The following PPP1R12A variants were observed in gnomAD, a reference collection of about 807,000 sequenced individuals.
PPP1R12A encodes myosin binding subunit.
In PPP1R12A, 19 loss-of-function variants were observed where a neutral mutation model predicts 139.6. The observed-to-expected ratio is 0.14, with a 90% CI of 0.09 to 0.20. The LOEUF is 0.20. Among genes scored for constraint, PPP1R12A ranks in the 10% least tolerant of loss-of-function variants. PPP1R12A has a pLI of 1.00. For synonymous variants in PPP1R12A, 427 were observed against 420.6 expected (o/e 1.02, Z -0.19); for missense variants, 925 against 1,211.5 (o/e 0.76, Z 3.51).
chr12:79,877,201 A>G (rs1165434748), intron 1 of PPP1R12A, among the ~76,000 whole-genome samples: 1 of 152,142 alleles, frequency 6.6e-6, no homozygotes, highest in Non-Finnish European at 1.5e-5. Flanking sequence ...TACCATATTT[A>G]AAATTATTAT....
At chr12:79,913,975 T>C (rs1886797587) in intron 1 of PPP1R12A, 1 of 152,170 alleles carries the variant, frequency 6.6e-6, no homozygotes, top group Admixed American at 6.6e-5. Context: ...GATATGAGAA[T>C]TCAGCTGTCT....
intron 2 of PPP1R12A, among the ~76,000 whole-genome samples, chr12:79,858,469 T>A (rs10735432): frequency 0.79 from 119,534 of 152,184 alleles, 49,472 homozygotes; most frequent in Non-Finnish European, 0.92. Context: ...AGTATTAATA[T>A]TTCCATTTTA....
intron 1 of PPP1R12A, among the ~76,000 whole-genome samples, chr12:79,921,242 A>G (rs1340988083): frequency 6.6e-6 from 1 of 152,196 alleles, no homozygotes; most frequent in Non-Finnish European, 1.5e-5. Context: ...CTGAGATTCT[A>G]GCTTAGTAAA....
intron 1 of PPP1R12A, among the ~76,000 whole-genome samples, chr12:79,924,041 C>T (rs1887647845): frequency 2.0e-5 from 3 of 151,642 alleles, no homozygotes; most frequent in African/African-American, 7.3e-5. Context: ...AAGACTCCGT[C>T]TCAAAAAATA....
At chr12:79,811,067 T>A (rs1356533013) in intron 9 of PPP1R12A, among the ~76,000 whole-genome samples, 2 of 152,184 alleles carry the variant, frequency 1.3e-5, no homozygotes, top group Non-Finnish European at 2.9e-5. Flanking sequence ...TTCTAGAAAT[T>A]CTATACTCAA....
intron 14 of PPP1R12A, among the ~76,000 whole-genome samples, chr12:79,800,924 G>A (rs1282311590): frequency 6.6e-6 from 1 of 151,466 alleles, no homozygotes; most frequent in Non-Finnish European, 1.5e-5. Flanking sequence ...TAGTAGAGAC[G>A]GGGTTTCACC....
chr12:79,931,735 G>T (rs1272439510), intron 1 of PPP1R12A, among the ~76,000 whole-genome samples: 1 of 152,086 alleles, frequency 6.6e-6, no homozygotes, highest in Non-Finnish European at 1.5e-5. Flanking sequence ...AGAAAAACCA[G>T]AAATTTGTAT....
chr12:79,844,105 G>T lies in PPP1R12A; in HGVS notation c.487+1197C>A, dbSNP rs184116145. Among the ~76,000 whole-genome samples, 944 of 150,994 alleles carry T rather than the reference G, an allele frequency of 6.3e-3. 6 individuals carry two copies. The highest frequency in any genetic ancestry group is 0.022 in the African/African-American group (911 of 41,134). On this transcript the variant is annotated intron_variant, in intron 3 of 24. Transcript: ENST00000450142. ...AGCATTTAAAGTGTAGAATTCAATGGTTTTTTTTTAGTAAATGTGAGGAGT... is the reference window on the plus strand; with the variant it reads ...AGCATTTAAAGTGTAGAATTCAATGTTTTTTTTTTAGTAAATGTGAGGAGT...
At chr12:79,888,856 A>G (rs1003261816) in intron 1 of PPP1R12A, among the ~76,000 whole-genome samples, 7 of 152,234 alleles carry the variant, frequency 4.6e-5, no homozygotes, top group Admixed American at 3.3e-4. Flanking sequence ...CTACACAACT[A>G]AACAGCAGCA....
intron 1 of PPP1R12A, among the ~76,000 whole-genome samples, chr12:79,882,709 T>C (rs1319474261): frequency 2.6e-5 from 4 of 152,174 alleles, no homozygotes; most frequent in African/African-American, 7.2e-5. Context: ...AACAGCATCA[T>C]ATACTACAGA....
intron 1 of PPP1R12A, among the ~76,000 whole-genome samples, chr12:79,896,357 C>T (rs902404204): frequency 7.2e-5 from 11 of 152,030 alleles, no homozygotes; most frequent in Non-Finnish European, 1.5e-5. Context: ...GTTTGAGACA[C>T]GGTCTCACTT....
chr12:79,856,192 A>C (rs563523935), intron 2 of PPP1R12A, among the ~76,000 whole-genome samples: 8 of 152,278 alleles, frequency 5.3e-5, no homozygotes, highest in Admixed American at 5.2e-4. Flanking sequence ...CATCACCATC[A>C]AAGGACAAAC....
chr12:79,813,762 G>C (rs750046083), intron 9 of PPP1R12A, among the ~76,000 whole-genome samples: 1 of 152,100 alleles, frequency 6.6e-6, no homozygotes, highest in Non-Finnish European at 1.5e-5. Context: ...TAATTTCAGC[G>C]GAAGGGTTAA....
intron 1 of PPP1R12A, among the ~76,000 whole-genome samples, chr12:79,918,317 G>A (rs1288341582): frequency 1.3e-5 from 2 of 152,136 alleles, no homozygotes; most frequent in Non-Finnish European, 2.9e-5. Context: ...TGATCTCCAT[G>A]TATTAGTTAT....
chr12:79,789,568 C>G (rs1316235346), intron 20 of PPP1R12A: 4 of 437,578 alleles, frequency 9.1e-6, no homozygotes, highest in African/African-American at 2.0e-5. Context: ...GGAGAATTCT[C>G]TTATTATCTG....
chr12:79,778,972 AAAGC>A (rs1592598267), intron 23 of PPP1R12A: 1 of 235,708 alleles, frequency 4.2e-6, no homozygotes. Context: ...CAGAAGCAGA[AAAGC>A]AAGAAGCAAA....
intron 2 of PPP1R12A, among the ~76,000 whole-genome samples, chr12:79,863,643 GCAAAAA>G (rs1565785076): frequency 2.7e-4 from 3 of 11,278 alleles, no homozygotes; most frequent in South Asian, 2.8e-3. Context: ...CAAATTGAAA[GCAAAAA>G]AAAAAAAAAA....
At chr12:79,901,580 A>AT (rs376922357) in intron 1 of PPP1R12A, among the ~76,000 whole-genome samples, 33 of 152,312 alleles carry the variant, frequency 2.2e-4, no homozygotes, top group African/African-American at 7.7e-4. Context: ...CACAATAATC[A>AT]TAACAGCTAT....
intron 9 of PPP1R12A, among the ~76,000 whole-genome samples, chr12:79,812,382 C>CTGTGTGTGTG (rs1555202833): frequency 3.5e-5 from 4 of 112,878 alleles, no homozygotes; most frequent in South Asian, 3.0e-4. Context: ...TTGACTGACT[C>CTGTGTGTGTG]TGTGTGTGCG....
Sources: gnomAD v4.1 joint callset for allele counts (sites outside exome capture counted in the v4.1 genomes callset) on GRCh38, gnomAD v4.1.1 for gene constraint, MANE v1.5 for transcripts, NCBI Gene and HGNC (gene_info 2026-07-23, HGNC 2026-07-21) for gene names.